MOXD1: variants seen among roughly 807,000 people sequenced by gnomAD.
MOXD1 encodes the protein monooxygenase DBH like 1, also known as DBH-like monooxygenase protein 1.
A neutral mutation model predicts 66.6 loss-of-function variants in MOXD1; 62 were observed. The observed-to-expected ratio is 0.93, with a 90% confidence interval of 0.76 to 1.15. MOXD1 has a LOEUF of 1.15. Among genes scored for constraint, MOXD1 ranks in the 50% most tolerant of loss-of-function variants. The pLI is 0.00. For missense variants in MOXD1, 847 were observed against 754.6 expected (o/e 1.12, Z -1.44); for synonymous variants, 303 against 281.9 (o/e 1.07, Z -0.75).
intron 10 of MOXD1, among the ~76,000 whole-genome samples, chr6:132,310,566 A>G (rs982054022): frequency 1.3e-5 from 2 of 152,206 alleles, no homozygotes; most frequent in Admixed American, 1.3e-4. Flanking sequence ...TTGCAGCACT[A>G]TTTACAATAG....
At chr6:132,354,093 G>A (rs1271663589) in intron 4 of MOXD1, among the ~76,000 whole-genome samples, 2 of 151,872 alleles carry the variant, frequency 1.3e-5, no homozygotes, top group Admixed American at 6.6e-5. Flanking sequence ...GGATTTTCTT[G>A]CCTTTCGCTG....
At chr6:132,394,808 T>C (rs1212723565) in intron 1 of MOXD1, among the ~76,000 whole-genome samples, 2 of 152,110 alleles carry the variant, frequency 1.3e-5, no homozygotes, top group Non-Finnish European at 2.9e-5. Flanking sequence ...AAAGCCTATA[T>C]AACATCATAA....
intron 10 of MOXD1, among the ~76,000 whole-genome samples, chr6:132,314,878 A>T (rs1050699576): frequency 1.3e-5 from 2 of 152,174 alleles, no homozygotes; most frequent in East Asian, 3.8e-4. Flanking sequence ...CTTGTTTATT[A>T]TATCTTAAAT....
chr6:132,350,418 G>A (rs1029957173), intron 4 of MOXD1, among the ~76,000 whole-genome samples: 6 of 152,046 alleles, frequency 3.9e-5, no homozygotes, highest in East Asian at 3.9e-4. Context: ...TTGCTTTGTC[G>A]AAGAACAGTT....
rs550214563 is a variant in MOXD1, at chr6:132,390,548, T to C, written c.264+10615A>G. ...CACAATACGGGCTCCGTGATACCAATGGTTTTATCTCATTCAATGTTGTGT... is the reference window on the plus strand; with the variant it reads ...CACAATACGGGCTCCGTGATACCAACGGTTTTATCTCATTCAATGTTGTGT... On this transcript the variant is annotated intron_variant, in intron 1 of 11. Transcript: ENST00000367963. 6 of 151,762 alleles carry C rather than the reference T, an allele frequency of 4.0e-5. No homozygotes were observed. The South Asian group carries it at 8.5e-4, about 21-fold the overall frequency. The allele number at this position is 151,762 out of a possible 1,614,324, so 9.4% of individuals were successfully genotyped here.
chr6:132,303,094 G>A lies in MOXD1; in HGVS notation c.1509-5139C>T, dbSNP rs78578775. ...GCTAAAACTGTGAACTTTTCAGGGG[G>A]AAAACAAGAGAAAGTCTTCCCTTGA... On this transcript the variant is annotated intron_variant, in intron 10 of 11. Coordinates refer to ENST00000367963, the MANE Select transcript of MOXD1 (RefSeq NM_015529.4). Among the ~76,000 whole-genome samples the A allele has an allele frequency of 4.6e-5, 7 of 151,808 alleles. No individual in the cohort carries two copies. The East Asian group carries it at 1.2e-3, about 25-fold the overall frequency.
intron 7 of MOXD1, 33 bp downstream of exon 7, chr6:132,323,898 G>T: frequency 1.9e-6 from 3 of 1,543,230 alleles, no homozygotes; most frequent in Non-Finnish European, 1.7e-6. Context: ...TGATGAATCT[G>T]CAGAGAGCAG....
intron 2 of MOXD1, among the ~76,000 whole-genome samples, 190 bp downstream of exon 2, chr6:132,374,441 G>T (rs529835124): frequency 6.6e-6 from 1 of 150,852 alleles, no homozygotes; most frequent in East Asian, 1.9e-4. Flanking sequence ...TGAAATTTTT[G>T]GTCTTACACA....
rs559080363 is a variant in MOXD1 at position 132,393,576 on chromosome 6, T to C, written c.264+7587A>G. On this transcript the variant is annotated intron_variant, in intron 1 of 11. Transcript: ENST00000367963. The stretch of plus-strand genomic sequence containing the variant: ...CCATAGGAGAGCCCCTGGACTCTCA[T>C]GGGCCCTGAGACTCACAGAGAACTG... 1.5e-3 allele frequency among the ~76,000 whole-genome samples: 221 copies of C among 152,306 alleles called. 1 individual carries two copies. The highest frequency in any genetic ancestry group is 2.7e-3 in the Non-Finnish European group (187 of 68,026).
intron 4 of MOXD1, among the ~76,000 whole-genome samples, chr6:132,339,954 T>C (rs1775516427): frequency 6.6e-6 from 1 of 151,518 alleles, no homozygotes; most frequent in South Asian, 2.1e-4. Context: ...ACTGCAACCT[T>C]TGCCTCCCCG....
intron 4 of MOXD1, among the ~76,000 whole-genome samples, chr6:132,366,391 T>C (rs1776139962): frequency 6.6e-6 from 1 of 151,914 alleles, no homozygotes; most frequent in African/African-American, 2.4e-5. Flanking sequence ...TAGTCTCCCA[T>C]ATGAAAAAGT....
Position 132,378,875 on chromosome 6 carries a change from C to CTTTTTTTT in MOXD1, c.265-4106_265-4099dup, listed in dbSNP as rs3038136. Among the ~76,000 whole-genome samples, 229 of 41,910 alleles carry CTTTTTTTT rather than the reference C, an allele frequency of 5.5e-3. 93 individuals carry two copies. Among genetic ancestry groups the CTTTTTTTT allele is most frequent in the Non-Finnish European group, 0.011 (181 of 15,742 alleles). 27.5% of individuals were successfully genotyped at this position (41,910 alleles called of 152,430 possible). A position where few individuals can be genotyped will look rare whatever the true frequency, so the allele number is the denominator to read the frequency against. On this transcript the variant is annotated intron_variant, in intron 1 of 11. Transcript: ENST00000367963. Reference sequence around the variant, plus strand: ...AATGAAAGAGGACAGAACACTTCCTCTTTTTTTTTTTTTTTTTTTTTTTTT... The same window carrying CTTTTTTTT: ...AATGAAAGAGGACAGAACACTTCCTCTTTTTTTTTTTTTTTTTTTTTTTTTTTTTTTTT...
chr6:132,325,321 C>T (rs1181691672), intron 6 of MOXD1, among the ~76,000 whole-genome samples: 1 of 152,152 alleles, frequency 6.6e-6, no homozygotes, highest in East Asian at 1.9e-4. Context: ...GGGGCAAATG[C>T]TATGGTTAAA....
At chr6:132,376,749 G>A (rs1582602967) in intron 1 of MOXD1, among the ~76,000 whole-genome samples, 1 of 60,834 alleles carries the variant, frequency 1.6e-5, no homozygotes, top group East Asian at 2.0e-3. Flanking sequence ...TCCTGACCTC[G>A]TGATCCGCCC....
intron 9 of MOXD1, 29 bp from the exon 10 acceptor site, chr6:132,315,806 T>C: frequency 6.2e-7 from 1 of 1,610,072 alleles, no homozygotes; most frequent in South Asian, 1.1e-5. Context: ...TTTAGCAAAG[T>C]ATGTGTTCTA....
intron 1 of MOXD1, among the ~76,000 whole-genome samples, chr6:132,377,895 A>G (rs746712342): frequency 3.3e-5 from 5 of 152,092 alleles, no homozygotes; most frequent in Non-Finnish European, 7.4e-5. Context: ...TAGGAGGCCA[A>G]GGGGGGTGGA....
chr6:132,322,783 G>A lies in MOXD1; in HGVS notation c.1201C>T (p.His401Tyr), dbSNP rs748281367. ...TTCATTTCCTTCCCTTTTCGAAAAT[G>A]ACGCAGCCTGATGCCTCTGCCAGCC... Reference protein sequence around the residue: ...HLAGRGIRLRHFRKGKEMKLL... With the variant: ...HLAGRGIRLRYFRKGKEMKLL... Residue 401 changes from histidine (H) to tyrosine (Y), a missense_variant, in exon 8 of 12, where the codon CAT becomes TAT. Transcript: ENST00000367963. 3.1e-6 allele frequency: 5 copies of A among 1,614,036 alleles called. No individual in the cohort carries two copies. Among genetic ancestry groups the A allele is most frequent in the Non-Finnish European group, 4.2e-6 (5 of 1,179,986 alleles).
chr6:132,320,730 C>G, intron 8 of MOXD1, 42 bp from the exon 9 acceptor site: 1 of 1,498,782 alleles, frequency 6.7e-7, no homozygotes, highest in African/African-American at 1.4e-5. Context: ...AAGTTTTATG[C>G]TGGCTTATTT....
intron 1 of MOXD1, among the ~76,000 whole-genome samples, chr6:132,379,166 A>T (rs1193628664): frequency 6.6e-6 from 1 of 151,988 alleles, no homozygotes; most frequent in Non-Finnish European, 1.5e-5. Flanking sequence ...CAGCAACATA[A>T]AAAAAGAATA....
Sources: gnomAD v4.1 joint callset for allele counts (sites outside exome capture counted in the v4.1 genomes callset) on GRCh38, gnomAD v4.1.1 for gene constraint, MANE v1.5 for transcripts, NCBI Gene and HGNC (gene_info 2026-07-23, HGNC 2026-07-21) for gene names.